KCNJ6: variants seen among roughly 807,000 people sequenced by gnomAD.
KCNJ6 encodes the protein G protein-activated inward rectifier potassium channel 2.
In KCNJ6, 9 loss-of-function variants were observed where a neutral mutation model predicts 34.2. The observed-to-expected ratio is 0.26, with a 90% CI of 0.16 to 0.46. KCNJ6 has a LOEUF of 0.46. Among genes scored for constraint, KCNJ6 ranks in the 20% least tolerant of loss-of-function variants. The pLI is 1.00. For synonymous variants in KCNJ6, 196 were observed against 207.1 expected, an observed-to-expected ratio of 0.95 and a Z score of 0.46; for missense variants, 236 against 531.3, an observed-to-expected ratio of 0.44 and a Z score of 5.46.
In KCNJ6 at chr21:37,620,715, T is replaced by G. The variant is rs1387560200; in HGVS notation, c.*4444A>C. 1.3e-5 allele frequency: 2 copies of G among 152,206 alleles called. No individual in the cohort carries two copies. The highest frequency in any genetic ancestry group is 2.9e-5 in the Non-Finnish European group (2 of 68,038). 9.4% of individuals were successfully genotyped at this position (152,206 alleles called of 1,614,324 possible). Reference sequence around the variant, plus strand: ...CTCTATAAAATGTAAATTATAATACTCAACCTCTCATGGTGAATTAGAATG... The same window carrying G: ...CTCTATAAAATGTAAATTATAATACGCAACCTCTCATGGTGAATTAGAATG... On this transcript the variant is annotated 3_prime_UTR_variant, in exon 4 of 4. Coordinates refer to ENST00000609713, the MANE Select transcript of KCNJ6 (RefSeq NM_002240.5).
At position 37,906,728 on chromosome 21, in the gene KCNJ6, A is replaced by G. The variant is rs534539604; in HGVS notation, c.-28+9156T>C. ...ACATGTGGAGTGTGGGCTTGGGCCCAACACTCCTTGAGTGCTGATTAAAAA... is the reference window on the plus strand; with the variant it reads ...ACATGTGGAGTGTGGGCTTGGGCCCGACACTCCTTGAGTGCTGATTAAAAA... On this transcript the variant is annotated intron_variant, in intron 1 of 3. Coordinates refer to ENST00000609713, the MANE Select transcript of KCNJ6 (RefSeq NM_002240.5). Among the ~76,000 whole-genome samples the G allele has an allele frequency of 3.3e-5, 5 of 152,198 alleles. No homozygotes were observed. In the South Asian group the frequency reaches 1.0e-3, roughly 32 times the overall value.
At chr21:37,829,433 C>T (rs1280191944) in intron 2 of KCNJ6, among the ~76,000 whole-genome samples, 2 of 152,192 alleles carry the variant, frequency 1.3e-5, no homozygotes, top group Non-Finnish European at 2.9e-5. Flanking sequence ...AGAGGTGCTT[C>T]TGCACTTGGG....
chr21:37,651,329 A>G lies in KCNJ6; in HGVS notation c.947-25845T>C, dbSNP rs141098772. Among the ~76,000 whole-genome samples, 165 of 152,320 alleles carry G rather than the reference A, an allele frequency of 1.1e-3. 2 individuals carry two copies. Among genetic ancestry groups the G allele is most frequent in the African/African-American group, 3.5e-3 (146 of 41,566 alleles). On this transcript the variant is annotated intron_variant, in intron 3 of 3. Transcript: ENST00000609713. Reference sequence around the variant, plus strand: ...ACATGTAGGCCTGTCGGCCACATCAATAAACCAGCCTTCCCTCTAAAAGCA... The same window carrying G: ...ACATGTAGGCCTGTCGGCCACATCAGTAAACCAGCCTTCCCTCTAAAAGCA...
At position 37,620,630 on chromosome 21, in the gene KCNJ6, C is replaced by T. The variant is rs2054287261; in HGVS notation, c.*4529G>A. On this transcript the variant is annotated 3_prime_UTR_variant, in exon 4 of 4. Coordinates refer to ENST00000609713, the MANE Select transcript of KCNJ6 (RefSeq NM_002240.5). ...AGGGCCCTGTGACCTGGATTTGAGACAAGGAGCTATGATTCACTGGCCTTT... is the reference window on the plus strand; with the variant it reads ...AGGGCCCTGTGACCTGGATTTGAGATAAGGAGCTATGATTCACTGGCCTTT... The T allele has an allele frequency of 6.6e-6, 1 of 151,842 alleles. No individual in the cohort carries two copies. The highest frequency in any genetic ancestry group is 6.6e-5 in the Admixed American group (1 of 15,228). 9.4% of individuals were successfully genotyped at this position (151,842 alleles called of 1,614,324 possible).
intron 2 of KCNJ6, among the ~76,000 whole-genome samples, chr21:37,778,089 A>C (rs2055150756): frequency 6.6e-6 from 1 of 152,194 alleles, no homozygotes. Context: ...GCGTTCAGGC[A>C]TTCTGCTTTT....
intron 3 of KCNJ6, among the ~76,000 whole-genome samples, chr21:37,704,143 G>A (rs997866072): frequency 2.0e-5 from 3 of 152,164 alleles, no homozygotes; most frequent in African/African-American, 7.2e-5. Flanking sequence ...AGGTCCCTTT[G>A]GGGGAACAAA....
intron 1 of KCNJ6, among the ~76,000 whole-genome samples, chr21:37,869,745 T>C (rs1287121520): frequency 6.6e-6 from 1 of 152,254 alleles, no homozygotes; most frequent in African/African-American, 2.4e-5. Flanking sequence ...CTGAATTAGG[T>C]AGCAAAATCC....
At chr21:37,725,999 G>A (rs573645685) in intron 2 of KCNJ6, among the ~76,000 whole-genome samples, 4 of 152,226 alleles carry the variant, frequency 2.6e-5, no homozygotes, top group East Asian at 1.9e-4. Flanking sequence ...TCTGCCTCCC[G>A]GGTTCAAGCA....
chr21:37,889,472 T>C (rs2055751571), intron 1 of KCNJ6, among the ~76,000 whole-genome samples: 1 of 151,880 alleles, frequency 6.6e-6, no homozygotes, highest in East Asian at 1.9e-4. Context: ...AAGGGGTGGG[T>C]GTGGTTCACC....
intron 3 of KCNJ6, among the ~76,000 whole-genome samples, chr21:37,669,242 T>G (rs1320703001): frequency 6.6e-6 from 1 of 152,172 alleles, no homozygotes; most frequent in Non-Finnish European, 1.5e-5. Context: ...GTCCTGCCTT[T>G]CCAGAACTAA....
At chr21:37,744,792 T>C (rs573792533) in intron 2 of KCNJ6, among the ~76,000 whole-genome samples, 2 of 152,312 alleles carry the variant, frequency 1.3e-5, no homozygotes, top group East Asian at 3.9e-4. Flanking sequence ...AGGATTTCAC[T>C]GAGTTGCAGG....
At chr21:37,825,210 G>A (rs533164095) in intron 2 of KCNJ6, among the ~76,000 whole-genome samples, 155 of 152,274 alleles carry the variant, frequency 1.0e-3, no homozygotes, top group Middle Eastern at 3.4e-3. Flanking sequence ...GATCTGGATC[G>A]TCGAGGCCAA....
At chr21:37,802,596 C>A (rs1164798666) in intron 2 of KCNJ6, among the ~76,000 whole-genome samples, 2 of 152,152 alleles carry the variant, frequency 1.3e-5, no homozygotes, top group East Asian at 3.9e-4. Flanking sequence ...GAAGATGGCT[C>A]CTTTCTTAGA....
chr21:37,791,703 G>A (rs902648262), intron 2 of KCNJ6, among the ~76,000 whole-genome samples: 2 of 152,158 alleles, frequency 1.3e-5, no homozygotes, highest in African/African-American at 4.8e-5. Context: ...CTCTAAGGTG[G>A]CAGGTGAATA....
intron 1 of KCNJ6, among the ~76,000 whole-genome samples, chr21:37,864,050 G>A (rs1390350177): frequency 6.6e-6 from 1 of 151,522 alleles, no homozygotes; most frequent in Non-Finnish European, 1.5e-5. Flanking sequence ...TTCAGTCTAC[G>A]TCATCCAACA....
chr21:37,820,617 C>G (rs1235551608), intron 2 of KCNJ6, among the ~76,000 whole-genome samples: 1 of 152,120 alleles, frequency 6.6e-6, no homozygotes, highest in Non-Finnish European at 1.5e-5. Flanking sequence ...TTCGTATGAC[C>G]CATTCAGGTT....
intron 3 of KCNJ6, among the ~76,000 whole-genome samples, chr21:37,704,015 C>T (rs1008549217): frequency 6.6e-6 from 1 of 152,248 alleles, no homozygotes; most frequent in African/African-American, 2.4e-5. Flanking sequence ...AAGCTGCCTT[C>T]CCTTTCATTT....
intron 3 of KCNJ6, among the ~76,000 whole-genome samples, chr21:37,673,327 A>G (rs1049730747): frequency 6.6e-6 from 1 of 152,240 alleles, no homozygotes; most frequent in African/African-American, 2.4e-5. Context: ...GGAGGCTTCC[A>G]TCTCCAGCTG....
intron 2 of KCNJ6, among the ~76,000 whole-genome samples, chr21:37,779,750 T>C (rs1207382869): frequency 6.6e-6 from 1 of 152,234 alleles, no homozygotes; most frequent in Non-Finnish European, 1.5e-5. Flanking sequence ...GACTGTAACC[T>C]TGAAGGTTTG....
Sources: gnomAD v4.1 joint callset for allele counts (sites outside exome capture counted in the v4.1 genomes callset) on GRCh38, gnomAD v4.1.1 for gene constraint, MANE v1.5 for transcripts, NCBI Gene and HGNC (gene_info 2026-07-23, HGNC 2026-07-21) for gene names.